Variants in DCHS2 observed in about 807,000 individuals in gnomAD.
The protein encoded by DCHS2 is dachsous cadherin-related 2.
In DCHS2, 142 loss-of-function variants were observed where a neutral mutation model predicts 182.4. That is an observed-to-expected ratio of 0.78 (90% CI 0.68 to 0.89). DCHS2 has a LOEUF of 0.89. DCHS2 is among the 40% of genes least tolerant of loss of function. The probability of loss-of-function intolerance (pLI) is 0.00; values close to 1 mark genes in which losing one functional copy is unlikely to be tolerated. For synonymous variants in DCHS2, 1,740 were observed against 1,663.3 expected (o/e 1.05, Z -1.12); for missense variants, 4,319 against 4,198.6 (o/e 1.03, Z -0.79).
rs1261278869 is a variant in DCHS2 at position 154,491,339 on chromosome 4, C to T, written c.17G>A (p.Arg6Gln). Reference protein sequence around the residue: MSPCGRKMGEGRQQRR... With the variant: MSPCGQKMGEGRQQRR... Reference sequence around the variant, plus strand: ...CTGCTGACGCCCTTCGCCCATCTTCCGCCCACAAGGGCTCATTTCTCCTCC... The same window carrying T: ...CTGCTGACGCCCTTCGCCCATCTTCTGCCCACAAGGGCTCATTTCTCCTCC... Residue 6 changes from arginine (R) to glutamine (Q), a missense_variant, in exon 1 of 20, where the codon CGG (arginine) becomes CAG (glutamine). Transcript: ENST00000357232. The T allele has an allele frequency of 2.6e-6, 4 of 1,539,268 alleles. No individual in the cohort carries two copies. The highest frequency in any genetic ancestry group is 2.5e-5 in the East Asian group (1 of 40,628).
intron 1 of DCHS2, among the ~76,000 whole-genome samples, chr4:154,415,054 G>T (rs894864173): frequency 1.3e-5 from 2 of 152,202 alleles, no homozygotes; most frequent in African/African-American, 4.8e-5. Context: ...TTTAGCAGCT[G>T]TTCAACTGCC....
At chr4:154,470,050 T>C (rs996044516) in intron 1 of DCHS2, among the ~76,000 whole-genome samples, 1 of 152,164 alleles carries the variant, frequency 6.6e-6, no homozygotes, top group African/African-American at 2.4e-5. Context: ...GCCTGAGACG[T>C]AGTGGGTGGT....
At chr4:154,356,950 C>G (rs1282997058) in intron 3 of DCHS2, among the ~76,000 whole-genome samples, 2 of 152,040 alleles carry the variant, frequency 1.3e-5, no homozygotes, top group African/African-American at 4.8e-5. Flanking sequence ...AAGTAGTTGG[C>G]TTCTCTCTTT....
chr4:154,321,030 A>G lies in DCHS2; in HGVS notation c.4369T>C (p.Ser1457Pro). 2 of 1,613,744 alleles carry G rather than the reference A, an allele frequency of 1.2e-6. No individual in the cohort carries two copies. The highest frequency in any genetic ancestry group is 1.7e-6 in the Non-Finnish European group (2 of 1,179,838). Residue 1457 changes from serine (S) to proline (P), a missense_variant, in exon 9 of 20, where the codon TCA becomes CCA. Coordinates refer to ENST00000357232, the MANE Select transcript of DCHS2 (RefSeq NM_001358235.2). ...DKDGHFEIDSSTGDLFLSKEL... is the reference protein window; with the variant it reads ...DKDGHFEIDSPTGDLFLSKEL... ...TTAGAAAGAAACAAGTCTCCGGTTG[A>G]GCTGTCTATTTCAAAGTGTCCATCC... is the stretch of plus-strand genomic sequence containing the variant.
chr4:154,432,937 A>G (rs375217572), intron 1 of DCHS2, among the ~76,000 whole-genome samples: 1 of 152,156 alleles, frequency 6.6e-6, no homozygotes, highest in Admixed American at 6.5e-5. Context: ...CTCTCTATAT[A>G]TATACACCTG....
chr4:154,244,296 T>C (rs569931110), intron 16 of DCHS2, among the ~76,000 whole-genome samples: 3 of 152,354 alleles, frequency 2.0e-5, no homozygotes, highest in South Asian at 4.1e-4. Context: ...GAGCTGGGAT[T>C]CAGGTTCATG....
chr4:154,450,261 G>A (rs550987049), intron 1 of DCHS2, among the ~76,000 whole-genome samples: 1 of 152,294 alleles, frequency 6.6e-6, no homozygotes, highest in South Asian at 2.1e-4. Context: ...AGAATAGAAA[G>A]GGGACGAGGG....
At chr4:154,429,948 G>A (rs1034204347) in intron 1 of DCHS2, among the ~76,000 whole-genome samples, 1 of 152,104 alleles carries the variant, frequency 6.6e-6, no homozygotes, top group Non-Finnish European at 1.5e-5. Flanking sequence ...ATTAACCCAT[G>A]TCATGGTGGT....
Position 154,366,220 on chromosome 4 carries a change from G to T in DCHS2, c.2466C>A (p.Asp822Glu). 6.2e-7 allele frequency: 1 copy of T among 1,612,510 alleles called. No homozygotes were observed. Residue 822 changes from aspartate to glutamate, a missense_variant, in exon 3 of 20, where the codon GAC becomes GAA. Asp to Glu is a conservative substitution (Grantham distance 45, BLOSUM62 2). Coordinates refer to ENST00000357232, the MANE Select transcript of DCHS2 (RefSeq NM_001358235.2). ...PGNVSSLFTI[D>E]STTGIIYLTL... ...TCCAAGATCACATACCTGTGGTGGA[G>T]TCAATGGTAAAAAGGGACGACACGT...
chr4:154,340,263 A>G (rs1729002831), intron 3 of DCHS2, among the ~76,000 whole-genome samples: 1 of 152,202 alleles, frequency 6.6e-6, no homozygotes, highest in Admixed American at 6.5e-5. Flanking sequence ...TTAAATGAAG[A>G]TATTAAAGGG....
chr4:154,390,440 A>C (rs554944057), intron 1 of DCHS2, among the ~76,000 whole-genome samples: 1 of 151,946 alleles, frequency 6.6e-6, no homozygotes, highest in African/African-American at 2.4e-5. Context: ...TACTGGTAGC[A>C]ACTGTAAGTA....
chr4:154,276,369 T>A (rs2111221746), intron 13 of DCHS2, among the ~76,000 whole-genome samples: 1 of 152,340 alleles, frequency 6.6e-6, no homozygotes. Flanking sequence ...TAAAAAACTC[T>A]GACCGCTCAC....
At chr4:154,270,034 A>T in intron 13 of DCHS2, 21 bp from the exon 14 acceptor site, 2 of 1,584,408 alleles carry the variant, frequency 1.3e-6, no homozygotes, top group African/African-American at 1.4e-5. Flanking sequence ...TAGGTAAAAA[A>T]AGAACTCCAT....
rs1000504542 is a variant in DCHS2, at chr4:154,366,284, C to T, written c.2402G>A (p.Gly801Glu). 3 of 1,613,554 alleles carry T rather than the reference C, an allele frequency of 1.9e-6. No individual in the cohort carries two copies. The highest frequency in any genetic ancestry group is 2.5e-6 in the Non-Finnish European group (3 of 1,179,914). The stretch of plus-strand genomic sequence containing the variant: ...CTCATAAGCCACTGTCCCATATATC[C>T]CAGAGTCCTGGTCAGTGGCAAGAAC... ...INVLATDQDS[G>E]IYGTVAYELI... The change falls in exon 3 of 20, where the codon GGG becomes GAG. Residue 801 changes from glycine (G) to glutamate (E), a missense_variant. Physicochemically the swap from Gly to Glu is moderately conservative, Grantham distance 98. Coordinates refer to ENST00000357232, the MANE Select transcript of DCHS2 (RefSeq NM_001358235.2).
chr4:154,443,858 C>T lies in DCHS2; in HGVS notation c.2052+45446G>A, dbSNP rs567589802. On this transcript the variant is annotated intron_variant, in intron 1 of 19. Coordinates refer to ENST00000357232, the MANE Select transcript of DCHS2 (RefSeq NM_001358235.2). Reference sequence around the variant, plus strand: ...TGTCTTCTTCTCTTTATATTCCACTCCATTAAAACTGCTTGTCAAGATCAC... The same window carrying T: ...TGTCTTCTTCTCTTTATATTCCACTTCATTAAAACTGCTTGTCAAGATCAC... Among the ~76,000 whole-genome samples, 4 of 152,328 alleles carry T rather than the reference C, an allele frequency of 2.6e-5. 1 individual carries two copies. The South Asian group carries it at 8.3e-4, about 32-fold the overall frequency.
chr4:154,407,105 T>C (rs75040097), intron 1 of DCHS2, among the ~76,000 whole-genome samples: 1,954 of 152,288 alleles, frequency 0.013, 38 homozygotes, highest in African/African-American at 0.045. Context: ...CACAAAAATC[T>C]GTTTTATGGC....
At chr4:154,255,154 G>A (rs967743517) in intron 16 of DCHS2, among the ~76,000 whole-genome samples, 4 of 152,084 alleles carry the variant, frequency 2.6e-5, no homozygotes, top group African/African-American at 7.2e-5. Context: ...CAGTCGTCAC[G>A]TTTTAAAAAA....
intron 1 of DCHS2, among the ~76,000 whole-genome samples, chr4:154,389,536 A>ATATATATATATATATATATATATATATAT: frequency 5.2e-4 from 75 of 144,486 alleles, no homozygotes; most frequent in South Asian, 1.1e-3. Context: ...ATATATATAT[A>ATATATATATATATATATATATATATATAT]ACCTTTTTTT....
At chr4:154,401,190 A>T (rs560379464) in intron 1 of DCHS2, among the ~76,000 whole-genome samples, 8 of 152,190 alleles carry the variant, frequency 5.3e-5, no homozygotes, top group African/African-American at 1.9e-4. Context: ...TTCATTCAAC[A>T]TAAGTTTTTT....
Sources: allele counts gnomAD v4.1 joint callset (sites outside exome capture counted in the v4.1 genomes callset), GRCh38; gene constraint gnomAD v4.1.1; transcripts MANE v1.5; gene names NCBI Gene and HGNC (gene_info 2026-07-23, HGNC 2026-07-21).